The following RIT2 variants were observed in gnomAD, a reference collection of about 807,000 sequenced individuals.
RIT2 encodes Ras like without CAAX 2.
Under a neutral mutation model 23.7 loss-of-function variants are expected in RIT2, and 24 were observed. That is an observed-to-expected ratio of 1.01 (90% CI 0.73 to 1.43). The LOEUF (loss-of-function observed/expected upper bound fraction) is 1.43, where lower values mean the gene tolerates loss of function less well. Among genes scored for constraint, RIT2 ranks in the 40% most tolerant of loss-of-function variants. RIT2 has a pLI of 0.00. For missense variants in RIT2, 236 were observed against 266.9 expected (o/e 0.88, Z 0.81); for synonymous variants, 107 against 91.1 (o/e 1.17, Z -0.99).
chr18:42,845,707 G>T (rs1307523809), intron 4 of RIT2, among the ~76,000 whole-genome samples: 1 of 150,504 alleles, frequency 6.6e-6, no homozygotes, highest in Non-Finnish European at 1.5e-5. Flanking sequence ...AGAGTATATT[G>T]TCTCACAAAT....
At chr18:43,091,449 G>T (rs996104224) in intron 1 of RIT2, among the ~76,000 whole-genome samples, 1 of 151,990 alleles carries the variant, frequency 6.6e-6, no homozygotes, top group East Asian at 1.9e-4. Flanking sequence ...TTATAGATTT[G>T]CACTGGTGAT....
intron 1 of RIT2, among the ~76,000 whole-genome samples, chr18:43,069,130 A>C (rs908014006): frequency 3.9e-5 from 6 of 152,184 alleles, no homozygotes; most frequent in Admixed American, 3.9e-4. Flanking sequence ...TTCTTGCAAA[A>C]TATAGTAATG....
intron 4 of RIT2, among the ~76,000 whole-genome samples, chr18:42,817,997 AAC>A: frequency 6.6e-6 from 1 of 151,988 alleles, no homozygotes; most frequent in Admixed American, 6.6e-5. Context: ...ATTTATTCCT[AAC>A]ACATATTAAA....
chr18:43,040,178 G>A lies in RIT2; in HGVS notation c.104-6311C>T, dbSNP rs184827842. On this transcript the variant is annotated intron_variant, in intron 1 of 4. Coordinates refer to ENST00000326695, the MANE Select transcript of RIT2 (RefSeq NM_002930.4). Reference sequence around the variant, plus strand: ...ATTGGCAATACCAAATAAATAGGTGGAACCCTTCAAATATAGTGAATTCTA... The same window carrying A: ...ATTGGCAATACCAAATAAATAGGTGAAACCCTTCAAATATAGTGAATTCTA... Among the ~76,000 whole-genome samples, 7 of 152,186 alleles carry A rather than the reference G, an allele frequency of 4.6e-5. No individual in the cohort carries two copies. The East Asian group carries it at 1.2e-3, about 25-fold the overall frequency.
At chr18:42,839,223 A>G (rs77587201) in intron 4 of RIT2, among the ~76,000 whole-genome samples, 1 of 152,322 alleles carries the variant, frequency 6.6e-6, no homozygotes, top group East Asian at 1.9e-4. Flanking sequence ...TTTAGGATCA[A>G]TACCCCTAAT....
At chr18:43,030,054 A>T (rs1911819127) in intron 2 of RIT2, among the ~76,000 whole-genome samples, 1 of 152,064 alleles carries the variant, frequency 6.6e-6, no homozygotes, top group South Asian at 2.1e-4. Context: ...ATCATCTGCC[A>T]TATGTTCAAC....
chr18:43,036,843 G>A (rs1478596707), intron 1 of RIT2, among the ~76,000 whole-genome samples: 2 of 152,266 alleles, frequency 1.3e-5, no homozygotes, highest in East Asian at 3.9e-4. Flanking sequence ...CCATTTGGGG[G>A]AGATAATTTA....
chr18:42,972,436 T>A (rs1000085561), intron 3 of RIT2, among the ~76,000 whole-genome samples: 1 of 151,856 alleles, frequency 6.6e-6, no homozygotes, highest in African/African-American at 2.4e-5. Flanking sequence ...GCAGTTTTTT[T>A]AAAAACAGTA....
rs886385113 is a variant in RIT2, at chr18:42,870,815, A to C, written c.426+52757T>G. Among the ~76,000 whole-genome samples the C allele has an allele frequency of 3.3e-5, 5 of 152,332 alleles. No homozygotes were observed. In the East Asian group the frequency reaches 5.8e-4, roughly 18 times the overall value. ...ATAAGAACATTCAGAATAGAAGTTT[A>C]GCCTTAAATCTTAGGAAATTCGCTT... On this transcript the variant is annotated intron_variant, in intron 4 of 4. Transcript: ENST00000326695.
chr18:42,838,137 T>C (rs1906667644), intron 4 of RIT2, among the ~76,000 whole-genome samples: 1 of 152,190 alleles, frequency 6.6e-6, no homozygotes, highest in African/African-American at 2.4e-5. Flanking sequence ...TTGCTTTATA[T>C]ATTTTATTGC....
chr18:42,779,265 AT>A (rs1480187433), intron 4 of RIT2, among the ~76,000 whole-genome samples: 1 of 151,802 alleles, frequency 6.6e-6, no homozygotes, highest in African/African-American at 2.4e-5. Context: ...ACGCAGGAAT[AT>A]TTTTTTTCAA....
rs540178777 is a variant in RIT2, at chr18:42,920,798, T to C, written c.426+2774A>G. The stretch of plus-strand genomic sequence containing the variant: ...AAGAATTGCTTAGTGAGAATCCTAC[T>C]CCTTTGCCTCTCACCACTAAACAAT... On this transcript the variant is annotated intron_variant, in intron 4 of 4. Transcript: ENST00000326695. 165 of 1,381,914 alleles carry C rather than the reference T, an allele frequency of 1.2e-4. No homozygotes were observed. The African/African-American group carries it at 2.0e-3, about 17-fold the overall frequency. 85.6% of individuals were successfully genotyped at this position (1,381,914 alleles called of 1,614,324 possible). A position where few individuals can be genotyped will look rare whatever the true frequency, so the allele number is the denominator to read the frequency against.
intron 4 of RIT2, among the ~76,000 whole-genome samples, chr18:42,790,480 T>C (rs1487025323): frequency 6.6e-6 from 1 of 152,250 alleles, no homozygotes; most frequent in African/African-American, 2.4e-5. Context: ...TCTCACTCTG[T>C]CGCCTAGGCC....
intron 2 of RIT2, among the ~76,000 whole-genome samples, chr18:43,007,159 T>C (rs1212652314): frequency 6.6e-6 from 1 of 151,704 alleles, no homozygotes; most frequent in Non-Finnish European, 1.5e-5. Flanking sequence ...GATAAAATGA[T>C]ATAGAAGGAA....
At chr18:42,843,679 T>C (rs544583655) in intron 4 of RIT2, among the ~76,000 whole-genome samples, 2 of 152,320 alleles carry the variant, frequency 1.3e-5, no homozygotes, top group South Asian at 4.1e-4. Context: ...GTTCTCAATT[T>C]ATAAAGTTAT....
intron 1 of RIT2, among the ~76,000 whole-genome samples, chr18:43,079,110 C>T (rs541802194): frequency 6.6e-6 from 1 of 152,282 alleles, no homozygotes; most frequent in East Asian, 1.9e-4. Flanking sequence ...AAATATTGTT[C>T]AACGTAGTAG....
intron 2 of RIT2, 144 bp downstream of exon 2, chr18:43,033,667 C>T: frequency 3.2e-6 from 2 of 620,132 alleles, no homozygotes; most frequent in Middle Eastern, 4.1e-4. Flanking sequence ...TGTTGTGGTA[C>T]GTTACATATG....
chr18:42,784,267 C>T (rs1396381930), intron 4 of RIT2, among the ~76,000 whole-genome samples: 4 of 109,484 alleles, frequency 3.7e-5, no homozygotes, highest in South Asian at 2.9e-4. Context: ...CTCTCCCTTG[C>T]GCTAAAAAAA....
chr18:43,084,158 A>T (rs1455298049), intron 1 of RIT2, among the ~76,000 whole-genome samples: 1 of 152,236 alleles, frequency 6.6e-6, no homozygotes, highest in Non-Finnish European at 1.5e-5. Flanking sequence ...TGGTCATTAG[A>T]GAAATGCAAA....
Sources: allele counts gnomAD v4.1 joint callset (sites outside exome capture counted in the v4.1 genomes callset), GRCh38; gene constraint gnomAD v4.1.1; transcripts MANE v1.5; gene names NCBI Gene and HGNC (gene_info 2026-07-23, HGNC 2026-07-21).